ITIH5: variants seen among roughly 807,000 people sequenced by gnomAD.
The protein encoded by ITIH5 is inter-alpha-trypsin inhibitor heavy chain 5.
A neutral mutation model predicts 77.5 loss-of-function variants in ITIH5; 65 were observed. The observed-to-expected ratio is 0.84, with a 90% CI of 0.69 to 1.03. ITIH5 has a LOEUF of 1.03. ITIH5 is among the 50% of genes least tolerant of loss of function. ITIH5 has a pLI of 0.00. For missense variants in ITIH5, 1,208 were observed against 1,213.1 expected (o/e 1.00, Z 0.06); for synonymous variants, 525 against 494.3 (o/e 1.06, Z -0.82).
intron 5 of ITIH5, among the ~76,000 whole-genome samples, chr10:7,624,876 TG>T (rs1444308298): frequency 1.7e-4 from 6 of 35,624 alleles, no homozygotes; most frequent in East Asian, 1.9e-3. Context: ...TATATATGTA[TG>T]TATATATATG....
intron 7 of ITIH5, among the ~76,000 whole-genome samples, chr10:7,604,300 G>A (rs533370058): frequency 1.3e-5 from 2 of 152,288 alleles, no homozygotes; most frequent in South Asian, 2.1e-4. Context: ...CCCTAAGGGT[G>A]CAGTCCTTTG....
chr10:7,568,115 T>A (rs1241763811), intron 12 of ITIH5, among the ~76,000 whole-genome samples: 1 of 152,178 alleles, frequency 6.6e-6, no homozygotes, highest in Admixed American at 6.5e-5. Flanking sequence ...AACAAACAGA[T>A]GGCGATTGCA....
At chr10:7,644,949 TATCA>T (rs1190449993) in intron 2 of ITIH5, among the ~76,000 whole-genome samples, 14 of 5,814 alleles carry the variant, frequency 2.4e-3, no homozygotes, top group Admixed American at 9.4e-3. Context: ...CATATATATA[TATCA>T]CACATATATA....
intron 5 of ITIH5, among the ~76,000 whole-genome samples, chr10:7,630,860 A>G (rs1388719357): frequency 6.6e-6 from 1 of 151,998 alleles, no homozygotes; most frequent in African/African-American, 2.4e-5. Flanking sequence ...TCGGTGATGA[A>G]CCAGATGGCA....
intron 13 of ITIH5, among the ~76,000 whole-genome samples, chr10:7,564,746 T>C (rs1832105230): frequency 6.6e-6 from 1 of 151,648 alleles, no homozygotes; most frequent in Non-Finnish European, 1.5e-5. Flanking sequence ...ATATATATAA[T>C]ATGTACATAC....
chr10:7,644,930 TATATATCACATATATATATATCACAC>T (rs781237625), intron 2 of ITIH5, among the ~76,000 whole-genome samples: 12,369 of 57,628 alleles, frequency 0.21, 1,209 homozygotes, highest in East Asian at 0.34. Context: ...ATATCACATA[TATATATCACATATATATATATCACAC>T]ATATATATAT....
At chr10:7,666,625 C>T (rs1160660137) in intron 1 of ITIH5, among the ~76,000 whole-genome samples, 178 bp downstream of exon 1, 1 of 152,180 alleles carries the variant, frequency 6.6e-6, no homozygotes, top group Non-Finnish European at 1.5e-5. Context: ...CAGGCCAGAT[C>T]AGGCACCGCG....
chr10:7,645,851 G>A (rs139904465), intron 2 of ITIH5, among the ~76,000 whole-genome samples: 22 of 152,182 alleles, frequency 1.4e-4, no homozygotes, highest in African/African-American at 5.3e-4. Flanking sequence ...TTCAGTAAAG[G>A]CAATGAGGAT....
intron 7 of ITIH5, among the ~76,000 whole-genome samples, chr10:7,607,343 G>C (rs1289166810): frequency 6.6e-6 from 1 of 152,172 alleles, no homozygotes; most frequent in Non-Finnish European, 1.5e-5. Context: ...GAGTTGAGTG[G>C]TTACAACAGA....
chr10:7,568,120 A>G (rs1832225021), intron 12 of ITIH5, among the ~76,000 whole-genome samples: 2 of 152,274 alleles, frequency 1.3e-5, no homozygotes, highest in Admixed American at 1.3e-4. Flanking sequence ...ACAGATGGCG[A>G]TTGCACTTGA....
chr10:7,629,828 A>C (rs1049684659), intron 5 of ITIH5, among the ~76,000 whole-genome samples: 6 of 152,222 alleles, frequency 3.9e-5, no homozygotes. Flanking sequence ...TTTTGAATAT[A>C]TACCCAGAGG....
intron 7 of ITIH5, among the ~76,000 whole-genome samples, chr10:7,597,913 T>A (rs1832938819): frequency 6.6e-6 from 1 of 152,230 alleles, no homozygotes; most frequent in Non-Finnish European, 1.5e-5. Context: ...AGATTTTTTT[T>A]TTTTAATCCC....
At chr10:7,646,184 A>C (rs1175699849) in intron 2 of ITIH5, among the ~76,000 whole-genome samples, 3 of 152,254 alleles carry the variant, frequency 2.0e-5, no homozygotes, top group African/African-American at 7.2e-5. Context: ...TGCATGGGAA[A>C]GTAAATAGGA....
intron 1 of ITIH5, among the ~76,000 whole-genome samples, chr10:7,665,823 G>C (rs570466393): frequency 6.6e-6 from 1 of 152,106 alleles, no homozygotes; most frequent in African/African-American, 2.4e-5. Flanking sequence ...TGCCTCCTGG[G>C]ATTTTATTAG....
At chr10:7,591,386 G>A (rs551022092) in intron 7 of ITIH5, among the ~76,000 whole-genome samples, 2 of 151,924 alleles carry the variant, frequency 1.3e-5, no homozygotes, top group Non-Finnish European at 1.5e-5. Context: ...CTCCTTCCCC[G>A]CCTTCCTGAC....
intron 7 of ITIH5, among the ~76,000 whole-genome samples, chr10:7,601,065 G>T (rs1290430993): frequency 6.6e-6 from 1 of 152,068 alleles, no homozygotes; most frequent in Non-Finnish European, 1.5e-5. Flanking sequence ...AACATTTTTT[G>T]CTACCAGTGG....
chr10:7,582,887 A>G (rs1186716878), intron 8 of ITIH5, among the ~76,000 whole-genome samples: 2 of 152,200 alleles, frequency 1.3e-5, no homozygotes, highest in Non-Finnish European at 2.9e-5. Flanking sequence ...TAATGGGTAC[A>G]AAAAGAAGTT....
At chr10:7,600,844 T>A (rs1390131228) in intron 7 of ITIH5, among the ~76,000 whole-genome samples, 1 of 152,172 alleles carries the variant, frequency 6.6e-6, no homozygotes, top group Non-Finnish European at 1.5e-5. Flanking sequence ...CCTTCCACCA[T>A]GGGAGGACAT....
chr10:7,619,275 C>T (rs11255243), intron 5 of ITIH5: 22,701 of 152,434 alleles, frequency 0.15, 1,838 homozygotes, highest in East Asian at 0.26. Context: ...CATAATATAT[C>T]AGCTAAGAAC....
Sources: allele counts gnomAD v4.1 joint callset (sites outside exome capture counted in the v4.1 genomes callset), GRCh38; gene constraint gnomAD v4.1.1; transcripts MANE v1.5; gene names NCBI Gene and HGNC (gene_info 2026-07-23, HGNC 2026-07-21).